GABRB2: variants seen among roughly 807,000 people sequenced by gnomAD.
The protein encoded by GABRB2 is gamma-aminobutyric acid type A receptor subunit beta2.
A neutral mutation model predicts 54.7 loss-of-function variants in GABRB2; 16 were observed. The observed-to-expected ratio is 0.29, with a 90% confidence interval of 0.20 to 0.44. The LOEUF is 0.44. Among genes scored for constraint, GABRB2 ranks in the 20% least tolerant of loss-of-function variants. The pLI, the probability that GABRB2 is intolerant of heterozygous loss-of-function variation, is 1.00. For missense variants in GABRB2, 355 were observed against 644.0 expected (o/e 0.55, Z 4.86); for synonymous variants, 244 against 233.8 (o/e 1.04, Z -0.40).
rs1159185984 is a variant in GABRB2 at position 161,288,764 on chromosome 5, A to T, written c.*5317T>A. On this transcript the variant is annotated 3_prime_UTR_variant, in exon 10 of 10. Coordinates refer to ENST00000393959, the MANE Select transcript of GABRB2 (RefSeq NM_001371727.1). ...ATCACTACATTGTGAAGAAACTAGA[A>T]TATCACTTTTTTTTTTTATAAAAGG... The T allele has an allele frequency of 1.3e-5, 2 of 150,890 alleles. No homozygotes were observed. Among genetic ancestry groups the T allele is most frequent in the Non-Finnish European group, 3.0e-5 (2 of 67,792 alleles). 9.3% of individuals were successfully genotyped at this position (150,890 alleles called of 1,614,324 possible).
chr5:161,486,634 C>T (rs1226263647), intron 3 of GABRB2, among the ~76,000 whole-genome samples: 1 of 151,712 alleles, frequency 6.6e-6, no homozygotes, highest in Non-Finnish European at 1.5e-5. Context: ...TGAAGTGAGC[C>T]ATGTCATGCA....
chr5:161,525,103 G>T (rs544255794), intron 3 of GABRB2, among the ~76,000 whole-genome samples: 2 of 151,208 alleles, frequency 1.3e-5, no homozygotes, highest in African/African-American at 4.8e-5. Flanking sequence ...CTCTCTTCTA[G>T]CTACTCAATT....
chr5:161,360,665 T>C (rs535971474), intron 5 of GABRB2, among the ~76,000 whole-genome samples: 60 of 152,274 alleles, frequency 3.9e-4, no homozygotes, highest in African/African-American at 1.4e-3. Flanking sequence ...AACAATAGAA[T>C]GAGAATATGA....
At chr5:161,370,278 G>C (rs181282128) in intron 5 of GABRB2, among the ~76,000 whole-genome samples, 104 of 152,252 alleles carry the variant, frequency 6.8e-4, no homozygotes, top group Non-Finnish European at 9.1e-4. Flanking sequence ...GTATCATTTG[G>C]TGTCCTGTGC....
intron 3 of GABRB2, among the ~76,000 whole-genome samples, chr5:161,535,009 C>A (rs992565665): frequency 6.6e-6 from 1 of 152,184 alleles, no homozygotes; most frequent in Non-Finnish European, 1.5e-5. Flanking sequence ...AGTTCTTGAA[C>A]ATATACCAGG....
At chr5:161,487,114 C>T (rs1268369043) in intron 3 of GABRB2, among the ~76,000 whole-genome samples, 3 of 151,896 alleles carry the variant, frequency 2.0e-5, no homozygotes, top group African/African-American at 7.2e-5. Flanking sequence ...TGTGAAAACA[C>T]AGATACTGAA....
Position 161,293,809 on chromosome 5 carries a change from T to A in GABRB2, c.*272A>T. 2.3e-6 allele frequency: 1 copy of A among 430,574 alleles called. No individual in the cohort carries two copies. Among genetic ancestry groups the A allele is most frequent in the Non-Finnish European group, 4.2e-6 (1 of 238,224 alleles). 26.7% of individuals were successfully genotyped at this position (430,574 alleles called of 1,614,324 possible). Reference sequence around the variant, plus strand: ...ATTATTCCCCTCTGAGTAGGCTGCATACTAAACAGACAACATGGAGCACTC... The same window carrying A: ...ATTATTCCCCTCTGAGTAGGCTGCAAACTAAACAGACAACATGGAGCACTC... On this transcript the variant is annotated 3_prime_UTR_variant, in exon 10 of 10. Coordinates refer to ENST00000393959, the MANE Select transcript of GABRB2 (RefSeq NM_001371727.1).
At chr5:161,491,603 G>A (rs1759094273) in intron 3 of GABRB2, among the ~76,000 whole-genome samples, 1 of 151,492 alleles carries the variant, frequency 6.6e-6, no homozygotes, top group African/African-American at 2.4e-5. Context: ...TTATTCATTT[G>A]GGGAGGTGTT....
chr5:161,302,833 G>A (rs1471160034), intron 9 of GABRB2, among the ~76,000 whole-genome samples: 1 of 152,172 alleles, frequency 6.6e-6, no homozygotes, highest in South Asian at 2.1e-4. Flanking sequence ...CACTCAATCA[G>A]AATATGAAAT....
At chr5:161,320,752 T>G (rs1234159950) in intron 9 of GABRB2, among the ~76,000 whole-genome samples, 1 of 152,004 alleles carries the variant, frequency 6.6e-6, no homozygotes, top group African/African-American at 2.4e-5. Context: ...AGATTCAATC[T>G]GAAAATCTTA....
At chr5:161,419,357 G>C (rs1241951071) in intron 4 of GABRB2, among the ~76,000 whole-genome samples, 2 of 152,180 alleles carry the variant, frequency 1.3e-5, no homozygotes, top group Non-Finnish European at 2.9e-5. Context: ...TACACTGTTG[G>C]TGGGAATGAA....
intron 5 of GABRB2, among the ~76,000 whole-genome samples, chr5:161,401,347 A>G (rs13153731): frequency 0.022 from 3,359 of 152,320 alleles, 58 homozygotes; most frequent in Non-Finnish European, 0.034. Context: ...TCAATTCTAA[A>G]TGTACTTGGG....
intron 3 of GABRB2, among the ~76,000 whole-genome samples, chr5:161,469,401 A>T (rs1276162705): frequency 1.3e-5 from 2 of 151,954 alleles, no homozygotes; most frequent in Non-Finnish European, 2.9e-5. Flanking sequence ...TTAGAATCAT[A>T]CAAAAAGTAA....
chr5:161,372,107 T>C (rs1052281918), intron 5 of GABRB2, among the ~76,000 whole-genome samples: 18 of 152,306 alleles, frequency 1.2e-4, no homozygotes, highest in African/African-American at 4.1e-4. Flanking sequence ...TTACTTGGAA[T>C]TGGTAAACAG....
At chr5:161,369,987 CA>C (rs1236218307) in intron 5 of GABRB2, among the ~76,000 whole-genome samples, 1 of 151,944 alleles carries the variant, frequency 6.6e-6, no homozygotes, top group Non-Finnish European at 1.5e-5. Context: ...TGCTGAAGAC[CA>C]ACTCATGACC....
chr5:161,303,385 C>A (rs679633), intron 9 of GABRB2, among the ~76,000 whole-genome samples: 37,424 of 152,046 alleles, frequency 0.25, 4,956 homozygotes, highest in African/African-American at 0.33. Flanking sequence ...CCTATCTTCA[C>A]GTTTCCTTAG....
At chr5:161,410,809 C>A (rs1756490135) in intron 5 of GABRB2, among the ~76,000 whole-genome samples, 166 bp downstream of exon 5, 2 of 152,166 alleles carry the variant, frequency 1.3e-5, no homozygotes, top group African/African-American at 2.4e-5. Flanking sequence ...AAGAGGGTGG[C>A]AGCATAACTG....
chr5:161,502,421 T>A (rs189032143), intron 3 of GABRB2, among the ~76,000 whole-genome samples: 1 of 152,272 alleles, frequency 6.6e-6, no homozygotes, highest in East Asian at 1.9e-4. Flanking sequence ...TCTAATGTTA[T>A]CTTGGATGAG....
At chr5:161,315,855 G>T (rs993356455) in intron 9 of GABRB2, among the ~76,000 whole-genome samples, 1 of 152,046 alleles carries the variant, frequency 6.6e-6, no homozygotes, top group African/African-American at 2.4e-5. Context: ...TCATTTTTAG[G>T]ACAGAAATCA....
Sources: allele counts gnomAD v4.1 joint callset (sites outside exome capture counted in the v4.1 genomes callset), GRCh38; gene constraint gnomAD v4.1.1; transcripts MANE v1.5; gene names NCBI Gene and HGNC (gene_info 2026-07-23, HGNC 2026-07-21).